DPP6: variants seen among roughly 807,000 people sequenced by gnomAD.
DPP6 encodes the protein dipeptidyl peptidase like 6, also known as A-type potassium channel modulatory protein DPP6.
In DPP6, 69 loss-of-function variants were observed where a neutral mutation model predicts 122.6. The ratio of observed to expected loss-of-function variants is 0.56; its 90% confidence interval spans 0.46 to 0.69. The LOEUF (loss-of-function observed/expected upper bound fraction) is 0.69, where lower values mean the gene tolerates loss of function less well. Ranked by LOEUF, DPP6 falls within the 30% of genes least tolerant of loss-of-function variation. The pLI, the probability that DPP6 is intolerant of heterozygous loss-of-function variation, is 0.00. For synonymous variants in DPP6, 418 were observed against 433.1 expected, an observed-to-expected ratio of 0.97 and a Z score of 0.43; for missense variants, 928 against 1,116.9, an observed-to-expected ratio of 0.83 and a Z score of 2.41.
rs766943750 is a variant in DPP6, at chr7:154,889,301, G to A, written c.2334G>A (p.Ala778=). The A allele has an allele frequency of 2.8e-5, 45 of 1,612,838 alleles. No homozygotes were observed. Among genetic ancestry groups the A allele is most frequent in the Non-Finnish European group, 3.4e-5 (40 of 1,179,700 alleles). ...EMTKVAHRVS[A]LEEQQFLIIH... is the part of the protein sequence containing the mutation. ...CCAAGGTAGCCCATCGAGTCTCCGCGCTGGAAGAACAGCAGTTCCTGATCA... is the reference window on the plus strand; with the variant it reads ...CCAAGGTAGCCCATCGAGTCTCCGCACTGGAAGAACAGCAGTTCCTGATCA... The change falls in exon 24 of 26, where the codon GCG becomes GCA. Residue 778 remains alanine (A), a synonymous_variant. Coordinates refer to ENST00000377770, the MANE Select transcript of DPP6 (RefSeq NM_130797.4).
rs554426787 is a variant in DPP6, at chr7:154,281,948, T to C, written c.244-164266T>C. Among the ~76,000 whole-genome samples, 602 of 152,214 alleles carry C rather than the reference T, an allele frequency of 4.0e-3. 4 individuals are homozygous for C. Among genetic ancestry groups the C allele is most frequent in the Non-Finnish European group, 6.5e-3 (441 of 68,012 alleles). ...ATCCAGTACAGGGAAGAAGATGATATGGTATGGGGGGTTTGGAGCCAAAAA... is the reference window on the plus strand; with the variant it reads ...ATCCAGTACAGGGAAGAAGATGATACGGTATGGGGGGTTTGGAGCCAAAAA... On this transcript the variant is annotated intron_variant, in intron 1 of 25. Transcript: ENST00000377770.
chr7:153,987,086 G>A lies in DPP6; in HGVS notation c.51+99352G>A, dbSNP rs1342655921. Among the ~76,000 whole-genome samples the A allele has an allele frequency of 1.3e-5, 2 of 152,268 alleles. 1 individual carries two copies. Among genetic ancestry groups the A allele is most frequent in the South Asian group, 4.1e-4 (2 of 4,820 alleles). On this transcript the variant is annotated intron_variant, in intron 1 of 25. Transcript: ENST00000404039. ...GAAAGTAAGCATTTAAAAATTTGTC[G>A]AGATGTTATTTATTATTTGGTAAAA...
chr7:154,244,734 A>T lies in DPP6; in HGVS notation c.243+191671A>T, dbSNP rs148525411. On this transcript the variant is annotated intron_variant, in intron 1 of 25. Coordinates refer to ENST00000377770, the MANE Select transcript of DPP6 (RefSeq NM_130797.4). ...TCTAAAAACCTAATAAGGGAATTGA[A>T]AATGGAAGGATAAAATTCTTTGATT... Among the ~76,000 whole-genome samples, 385 of 152,296 alleles carry T rather than the reference A, an allele frequency of 2.5e-3. 2 individuals carry two copies. The East Asian group carries it at 0.032, about 13-fold the overall frequency.
At chr7:154,740,974 A>G (rs1293924128) in intron 8 of DPP6, among the ~76,000 whole-genome samples, 1 of 152,032 alleles carries the variant, frequency 6.6e-6, no homozygotes, top group East Asian at 1.9e-4. Flanking sequence ...TCTCTTTACT[A>G]TGGGTTATCT....
At chr7:154,879,539 C>G (rs1171045196) in intron 20 of DPP6, among the ~76,000 whole-genome samples, 6 of 136,472 alleles carry the variant, frequency 4.4e-5, no homozygotes, top group African/African-American at 1.8e-4. Flanking sequence ...TGCAGTGAGC[C>G]GAGATTGTGC....
intron 6 of DPP6, among the ~76,000 whole-genome samples, chr7:154,648,249 CAA>C (rs34509331): frequency 0.33 from 48,928 of 148,708 alleles, 8,072 homozygotes; most frequent in East Asian, 0.48. Context: ...GCCTGGGCAA[CAA>C]GAGCAAAACT....
the DPP6 span, among the ~76,000 whole-genome samples, chr7:153,847,176 T>G: frequency 4.6e-5 from 7 of 152,190 alleles, no homozygotes. Context: ...TTATTTTTAT[T>G]TTTTTAAGTG....
At chr7:154,051,792 C>T (rs184456451), upstream of DPP6, among the ~76,000 whole-genome samples, 8,053 of 147,552 alleles carry the variant, frequency 0.055, 287 homozygotes, top group Middle Eastern at 0.076. Context: ...CCTTTCCTGC[C>T]CTCCTCCGGA....
chr7:154,412,417 T>A (rs1816680116), intron 1 of DPP6, among the ~76,000 whole-genome samples: 1 of 152,112 alleles, frequency 6.6e-6, no homozygotes, highest in South Asian at 2.1e-4. Context: ...CCTTTCTGAA[T>A]GCACGCACTC....
intron 7 of DPP6, among the ~76,000 whole-genome samples, chr7:154,690,471 C>G (rs989962143): frequency 6.6e-6 from 1 of 152,134 alleles, no homozygotes; most frequent in South Asian, 2.1e-4. Flanking sequence ...TAACTGTCTT[C>G]CATGATGAGC....
intron 1 of DPP6, among the ~76,000 whole-genome samples, chr7:154,086,444 C>T (rs1245752482): frequency 6.8e-6 from 1 of 147,686 alleles, no homozygotes; most frequent in East Asian, 2.0e-4. Flanking sequence ...CTGTGGTGAG[C>T]CCTGGTGAAT....
chr7:153,773,264 C>CGTGTGTGTGTGTGTGTGTGTGTGTGT, the DPP6 span, among the ~76,000 whole-genome samples: 10 of 132,456 alleles, frequency 7.5e-5, 1 homozygote, highest in South Asian at 1.3e-3. Context: ...TCTTTTCTTT[C>CGTGTGTGTGTGTGTGTGTGTGTGTGT]GTGTGTGTGT....
intron 1 of DPP6, among the ~76,000 whole-genome samples, chr7:154,096,504 A>G (rs1333808602): frequency 6.7e-5 from 10 of 149,154 alleles, no homozygotes; most frequent in Non-Finnish European, 1.3e-4. Context: ...ATAAGGTGCT[A>G]TTGAGGCAAT....
chr7:154,566,321 G>A (rs1051065297), intron 4 of DPP6, among the ~76,000 whole-genome samples: 11 of 151,408 alleles, frequency 7.3e-5, no homozygotes, highest in Non-Finnish European at 1.6e-4. Flanking sequence ...CACTCTTGTT[G>A]CCCAGGCTGG....
chr7:154,492,528 C>T (rs1824366867), intron 3 of DPP6, among the ~76,000 whole-genome samples: 1 of 152,188 alleles, frequency 6.6e-6, no homozygotes, highest in African/African-American at 2.4e-5. Context: ...ACTCGTTCAC[C>T]TCGTCCTTCC....
intron 1 of DPP6, among the ~76,000 whole-genome samples, chr7:153,986,055 C>T (rs1343716718): frequency 2.0e-5 from 3 of 152,098 alleles, no homozygotes; most frequent in Non-Finnish European, 1.5e-5. Context: ...AGATCAGGTG[C>T]GTTCAGGGTC....
At chr7:154,064,155 C>T (rs1802515660) in intron 1 of DPP6, among the ~76,000 whole-genome samples, 1 of 152,114 alleles carries the variant, frequency 6.6e-6, no homozygotes, top group Non-Finnish European at 1.5e-5. Flanking sequence ...ACCCTGTACC[C>T]CCATACACCT....
Position 154,787,549 on chromosome 7 carries a change from T to C in DPP6, c.1137-6530T>C, listed in dbSNP as rs1417613632. Among the ~76,000 whole-genome samples the C allele has an allele frequency of 5.3e-5, 8 of 152,350 alleles. No individual in the cohort carries two copies. The South Asian group carries it at 1.4e-3, about 28-fold the overall frequency. On this transcript the variant is annotated intron_variant, in intron 10 of 25. Transcript: ENST00000377770. ...AAAAATAAATCCCCTGTCCCTATGC[T>C]TCCTTTTTAAAACCACCTATCTATT...
chr7:154,111,301 C>T (rs1388766032), intron 1 of DPP6, among the ~76,000 whole-genome samples: 1 of 152,172 alleles, frequency 6.6e-6, no homozygotes, highest in Non-Finnish European at 1.5e-5. Context: ...TGGGTGGTGC[C>T]CACTCCCGGC....
Sources: gnomAD v4.1 joint callset for allele counts (sites outside exome capture counted in the v4.1 genomes callset) on GRCh38, gnomAD v4.1.1 for gene constraint, MANE v1.5 for transcripts, NCBI Gene and HGNC (gene_info 2026-07-23, HGNC 2026-07-21) for gene names.